RGS22: variants seen among roughly 807,000 people sequenced by gnomAD.
RGS22 encodes the protein regulator of G-protein signaling 22.
RGS22 carries 148 observed loss-of-function variants against 172.9 expected under a neutral mutation model. The ratio of observed to expected loss-of-function variants is 0.86; its 90% CI spans 0.75 to 0.98. The LOEUF (loss-of-function observed/expected upper bound fraction) is 0.98, where lower values mean the gene tolerates loss of function less well. Ranked by LOEUF, RGS22 falls within the 50% of genes least tolerant of loss-of-function variation. RGS22 has a pLI of 0.00. For missense variants in RGS22, 1,347 were observed against 1,440.8 expected (o/e 0.93, Z 1.05); for synonymous variants, 458 against 480.2 (o/e 0.95, Z 0.60).
At chr8:99,973,123 C>A (rs1811553398) in intron 23 of RGS22, among the ~76,000 whole-genome samples, 1 of 152,046 alleles carries the variant, frequency 6.6e-6, no homozygotes, top group Non-Finnish European at 1.5e-5. Flanking sequence ...TCAAGGATCT[C>A]AAACCAGAAA....
At chr8:100,086,934 G>T (rs1236292085) in intron 3 of RGS22, among the ~76,000 whole-genome samples, 7 of 152,108 alleles carry the variant, frequency 4.6e-5, no homozygotes, top group African/African-American at 1.7e-4. Flanking sequence ...GCCACATTCT[G>T]TTGGTTACTT....
intron 2 of RGS22, among the ~76,000 whole-genome samples, chr8:100,100,806 A>G (rs1813412440): frequency 6.6e-6 from 1 of 152,238 alleles, no homozygotes; most frequent in Admixed American, 6.5e-5. Context: ...ACCACTTTTA[A>G]CAACTAAAAT....
intron 14 of RGS22, among the ~76,000 whole-genome samples, chr8:100,036,526 G>A (rs1037942627): frequency 2.0e-5 from 3 of 152,150 alleles, no homozygotes; most frequent in Non-Finnish European, 4.4e-5. Context: ...TAAGTCTCTT[G>A]AAATCAAATC....
At chr8:100,004,542 A>T (rs1815472844) in intron 16 of RGS22, 1 of 151,988 alleles carries the variant, frequency 6.6e-6, no homozygotes. Context: ...GTATAAAAAT[A>T]AAAATTAAAA....
At chr8:100,105,453 G>A in intron 1 of RGS22, 51 bp from the exon 2 acceptor site, 1 of 1,483,822 alleles carries the variant, frequency 6.7e-7, no homozygotes. Flanking sequence ...GATTTCCTTT[G>A]AGTAAATGAA....
chr8:100,012,897 C>T (rs1252195968), intron 14 of RGS22, among the ~76,000 whole-genome samples: 1 of 151,098 alleles, frequency 6.6e-6, no homozygotes, highest in African/African-American at 2.4e-5. Context: ...ATCTGATGTG[C>T]TACATATCAA....
chr8:100,086,407 C>T (rs1812164818), intron 3 of RGS22, among the ~76,000 whole-genome samples: 1 of 152,086 alleles, frequency 6.6e-6, no homozygotes, highest in Non-Finnish European at 1.5e-5. Flanking sequence ...ATCACCATCA[C>T]CTGAGATCCT....
intron 14 of RGS22, among the ~76,000 whole-genome samples, chr8:100,024,546 A>G (rs1221017259): frequency 6.6e-6 from 1 of 152,328 alleles, no homozygotes; most frequent in East Asian, 1.9e-4. Flanking sequence ...GACTGTCTTC[A>G]TGGACCTACA....
intron 3 of RGS22, among the ~76,000 whole-genome samples, chr8:100,083,053 C>T (rs987957818): frequency 2.0e-5 from 3 of 152,276 alleles, no homozygotes; most frequent in Non-Finnish European, 4.4e-5. Flanking sequence ...TTATCTTAAC[C>T]CTCTAGGAAA....
intron 2 of RGS22, among the ~76,000 whole-genome samples, chr8:100,098,897 TTTTATTTTATTTTATTTTATTTTATTTTA>T (rs1344578204): frequency 4.0e-5 from 4 of 99,254 alleles, no homozygotes; most frequent in African/African-American, 1.9e-4. Context: ...TTTTATTTTA[TTTTATTTTATTTTATTTTATTTTATTTTA>T]TTTATTTTTT....
chr8:100,031,247 T>C (rs1818763329), intron 14 of RGS22, among the ~76,000 whole-genome samples: 3 of 152,164 alleles, frequency 2.0e-5, no homozygotes, highest in African/African-American at 7.2e-5. Context: ...ATGTAAATAA[T>C]TCATGTCTTC....
At chr8:99,978,278 TA>T (rs897360672) in intron 22 of RGS22, among the ~76,000 whole-genome samples, 10 of 151,450 alleles carry the variant, frequency 6.6e-5, no homozygotes, top group South Asian at 2.1e-4. Flanking sequence ...GTCTTTCTTT[TA>T]AAAAAAAATA....
intron 14 of RGS22, among the ~76,000 whole-genome samples, chr8:100,031,452 T>C (rs1818794005): frequency 6.6e-6 from 1 of 152,162 alleles, no homozygotes; most frequent in Non-Finnish European, 1.5e-5. Context: ...AATTCTCTTA[T>C]TTCTCATTTC....
At chr8:100,045,748 T>C (rs1362837883) in intron 11 of RGS22, among the ~76,000 whole-genome samples, 2 of 150,936 alleles carry the variant, frequency 1.3e-5, no homozygotes, top group African/African-American at 2.4e-5. Flanking sequence ...ACAATATTAA[T>C]TGTTGAATTA....
At position 99,999,347 on chromosome 8, in the gene RGS22, T is replaced by G. The variant is rs773692360; in HGVS notation, c.2864A>C (p.Gln955Pro). 5.6e-6 allele frequency: 9 copies of G among 1,613,880 alleles called. No homozygotes were observed. The highest frequency in any genetic ancestry group is 1.7e-6 in the Non-Finnish European group (2 of 1,179,946). Residue 955 changes from glutamine to proline, a missense_variant, in exon 19 of 28, where the codon CAG becomes CCG. Physicochemically the swap from Gln to Pro is moderately conservative, Grantham distance 76. Coordinates refer to ENST00000360863, the MANE Select transcript of RGS22 (RefSeq NM_015668.5). ...QLDAPVLVEI[Q>P]KHVQNRLENV... ...TTCTAGCCTATTTTGCACATGCTTC[T>G]GGATTTCAACTAGAACAGGTGCATC...
intron 14 of RGS22, among the ~76,000 whole-genome samples, chr8:100,010,549 A>G (rs1037071703): frequency 1.3e-5 from 2 of 152,134 alleles, no homozygotes; most frequent in Non-Finnish European, 2.9e-5. Context: ...TTCTCCCCCA[A>G]CAATCACAAT....
Position 100,066,106 on chromosome 8 carries a change from G to C in RGS22, c.724+61C>G, listed in dbSNP as rs994716437. ...CACTAAGTACTGTACTGTAAAATTAGAACAAACAAACAAAAACTTAAAGAG... is the reference window on the plus strand; with the variant it reads ...CACTAAGTACTGTACTGTAAAATTACAACAAACAAACAAAAACTTAAAGAG... On this transcript the variant is annotated intron_variant, in intron 7 of 27. Transcript: ENST00000360863. 13 of 1,540,938 alleles carry C rather than the reference G, an allele frequency of 8.4e-6. 1 individual carries two copies. In the East Asian group the frequency reaches 9.1e-5, roughly 11 times the overall value.
chr8:100,034,276 A>G (rs1427007454), intron 14 of RGS22, among the ~76,000 whole-genome samples: 1 of 152,208 alleles, frequency 6.6e-6, no homozygotes, highest in African/African-American at 2.4e-5. Flanking sequence ...GTCTCAGGAT[A>G]CAAAATCAAT....
chr8:99,965,814 T>G (rs1371291759), intron 23 of RGS22, among the ~76,000 whole-genome samples: 1 of 152,144 alleles, frequency 6.6e-6, no homozygotes, highest in Admixed American at 6.5e-5. Flanking sequence ...ACAAATAGAA[T>G]CTAACTACGT....
Sources: allele counts gnomAD v4.1 joint callset (sites outside exome capture counted in the v4.1 genomes callset), GRCh38; gene constraint gnomAD v4.1.1; transcripts MANE v1.5; gene names NCBI Gene and HGNC (gene_info 2026-07-23, HGNC 2026-07-21).